Variants in BRSK1 observed in about 807,000 individuals in gnomAD.
BRSK1 encodes the protein serine/threonine-protein kinase BRSK1.
In BRSK1, 17 loss-of-function variants were observed where a neutral mutation model predicts 86.2. That is an observed-to-expected ratio of 0.20 (90% CI 0.14 to 0.30). The LOEUF is 0.30. Among genes scored for constraint, BRSK1 ranks in the 10% least tolerant of loss-of-function variants. The pLI, the probability that BRSK1 is intolerant of heterozygous loss-of-function variation, is 1.00. For missense variants in BRSK1, 719 were observed against 1,071.9 expected, an observed-to-expected ratio of 0.67 and a Z score of 4.60; for synonymous variants, 464 against 440.1, an observed-to-expected ratio of 1.05 and a Z score of -0.68.
At chr19:55,289,719 C>T in intron 4 of BRSK1, 99 bp downstream of exon 4, 1 of 1,459,966 alleles carries the variant, frequency 6.8e-7, no homozygotes, top group Non-Finnish European at 9.2e-7. Context: ...TGTGGTCGGC[C>T]CCCAAACCTT....
At chr19:55,288,270 G>C (rs1254520167) in intron 3 of BRSK1, among the ~76,000 whole-genome samples, 1 of 151,998 alleles carries the variant, frequency 6.6e-6, no homozygotes, top group East Asian at 1.9e-4. Context: ...TTCTTGAAGA[G>C]CTCGAGACCA....
At chr19:55,300,136 C>T (rs2088549798) in intron 7 of BRSK1, among the ~76,000 whole-genome samples, 1 of 152,188 alleles carries the variant, frequency 6.6e-6, no homozygotes, top group Admixed American at 6.5e-5. Flanking sequence ...CAGGCAGCGT[C>T]CCAGGCCAAC....
In BRSK1 at chr19:55,304,751, C is replaced by G; in HGVS notation, c.1548C>G (p.Pro516=). 1.3e-6 allele frequency: 2 copies of G among 1,538,966 alleles called. No homozygotes were observed. The highest frequency in any genetic ancestry group is 1.7e-6 in the Non-Finnish European group (2 of 1,147,272). ...PGSPRSSGGT[P]LHSPLHTPRA... The stretch of plus-strand genomic sequence containing the variant: ...CCCCGCGCTCCTCTGGCGGGACCCC[C>G]TTGCACTCGCCTCTGCACACGCCCC... The change falls in exon 14 of 19, where the codon CCC becomes CCG. Residue 516 remains proline, a synonymous_variant. Transcript: ENST00000309383. The surrounding 1 kb of genome is among the most constrained non-coding windows in gnomAD (Gnocchi z 5.2).
intron 7 of BRSK1, among the ~76,000 whole-genome samples, chr19:55,300,117 A>T (rs971808823): frequency 6.6e-6 from 1 of 151,876 alleles, no homozygotes; most frequent in Admixed American, 6.6e-5. Flanking sequence ...TTGAGTGTCG[A>T]GTGTGTGTCA....
chr19:55,304,677 C>A lies in BRSK1; in HGVS notation c.1474C>A (p.Pro492Thr). Residue 492 changes from proline to threonine, a missense_variant, in exon 14 of 19, where the codon CCC (proline) becomes ACC (threonine). Around this residue, in one of 6 missense-constraint regions of BRSK1, gnomAD observed 143 missense variants for 120.1 expected, o/e 1.19. Coordinates refer to ENST00000309383, the MANE Select transcript of BRSK1 (RefSeq NM_032430.2). The surrounding 1 kb of genome is among the most constrained non-coding windows in gnomAD (Gnocchi z 5.2). ...CAGGGGTGGGGGCGCCGGGGAGCAG[C>A]CCCCGCCCCCCAGTGCCCGCTCCAC... ...GPRGGGAGEQ[P>T]PPPSARSTPL... 1 of 1,483,318 alleles carries A rather than the reference C, an allele frequency of 6.7e-7. No homozygotes were observed. The highest frequency in any genetic ancestry group is 2.5e-5 in the Admixed American group (1 of 39,644). The allele number at this position is 1,483,318 out of a possible 1,614,324, so 91.9% of individuals were successfully genotyped here. A position where few individuals can be genotyped will look rare whatever the true frequency, so the allele number is the denominator to read the frequency against.
In BRSK1 at chr19:55,302,896, TACCCACGTGGGGCGAGCTGCA is replaced by T; in HGVS notation, c.1028+30_1028+50del. The T allele has an allele frequency of 6.3e-7, 1 of 1,597,860 alleles. No homozygotes were observed. The highest frequency in any genetic ancestry group is 2.3e-5 in the East Asian group (1 of 44,436). ...AGACCCCAAGACCCCTGCACCCGTG[TACCCACGTGGGGCGAGCTGCA>T]GCAGCTCCCTGCGCACATGCAGAGT... is the stretch of plus-strand genomic sequence containing the variant. On this transcript the variant is annotated intron_variant, in intron 10 of 18. Transcript: ENST00000309383. The surrounding 1 kb of genome is among the most constrained non-coding windows in gnomAD (Gnocchi z 6.3).
At chr19:55,288,303 C>T (rs1033879356) in intron 3 of BRSK1, among the ~76,000 whole-genome samples, 5 of 151,954 alleles carry the variant, frequency 3.3e-5, no homozygotes, top group East Asian at 3.9e-4. Flanking sequence ...TGGCAAAACC[C>T]CGTCTCTACA....
At chr19:55,284,876 C>T (rs541499827) in intron 1 of BRSK1, among the ~76,000 whole-genome samples, 1 of 101,414 alleles carries the variant, frequency 9.9e-6, no homozygotes, top group African/African-American at 3.9e-5. Flanking sequence ...TCCTGGGTTT[C>T]AGGGAGGAGG....
chr19:55,308,793 TGGGTGGCGGGGGGCGTGGGTGGCGGG>T (rs2088713490), intron 18 of BRSK1, 65 bp downstream of exon 18: 1 of 10,006 alleles, frequency 1.0e-4, no homozygotes, highest in African/African-American at 3.7e-4. Context: ...GCGGGGGGCG[TGGGTGGCGGGGGGCGTGGGTGGCGGG>T]GGGCGTGGGT....
At chr19:55,307,769 C>A (rs1275881902) in intron 17 of BRSK1, among the ~76,000 whole-genome samples, 1 of 140,390 alleles carries the variant, frequency 7.1e-6, no homozygotes, top group African/African-American at 2.8e-5. Context: ...CACACACACA[C>A]ACACACACAC....
Position 55,304,845 on chromosome 19 carries a change from G to A in BRSK1, c.1642G>A (p.Ala548Thr). ...CCCCGGCGGTGGCGTCGGGGGAGCCGCCTGGAGGAGTCGTCTCAACTCCAT... is the reference window on the plus strand; with the variant it reads ...CCCCGGCGGTGGCGTCGGGGGAGCCACCTGGAGGAGTCGTCTCAACTCCAT... ...PSPGGGVGGAAWRSRLNSIRN... is the reference protein window; with the variant it reads ...PSPGGGVGGATWRSRLNSIRN... The change falls in exon 14 of 19, where the codon GCC becomes ACC. Residue 548 changes from alanine (A) to threonine (T), a missense_variant. This residue lies in a region of BRSK1 where 180 missense variants were observed against 259.4 expected (regional missense o/e 0.69). Transcript: ENST00000309383. This position sits in a 1 kb window ranked among gnomAD's most constrained non-coding sequence, Gnocchi z 5.2. The A allele has an allele frequency of 6.2e-7, 1 of 1,606,546 alleles. No individual in the cohort carries two copies.
intron 4 of BRSK1, among the ~76,000 whole-genome samples, chr19:55,292,603 G>T (rs958216959): frequency 6.6e-6 from 1 of 151,906 alleles, no homozygotes; most frequent in Non-Finnish European, 1.5e-5. Context: ...GGAGGCCGAG[G>T]CAGGTGGATT....
rs748611163 is a variant in BRSK1, at chr19:55,287,097, TGAA to T, written c.229_231del (p.Lys77del). 6.2e-7 allele frequency: 1 copy of T among 1,609,502 alleles called. No individual in the cohort carries two copies. The highest frequency in any genetic ancestry group is 8.5e-7 in the Non-Finnish European group (1 of 1,178,958). The stretch of plus-strand genomic sequence containing the variant: ...GAGAAGCTGTCGGAGTCGGTGCTGA[TGAA>T]GGTGTGTGCGCCTGCTGCAGTGTGC... On this transcript the variant is annotated inframe_deletion and splice_region_variant, in exon 2 of 19. Transcript: ENST00000309383. The surrounding 1 kb of genome is among the most constrained non-coding windows in gnomAD (Gnocchi z 5.3).
intron 1 of BRSK1, among the ~76,000 whole-genome samples, chr19:55,286,388 C>T (rs2088316940): frequency 1.3e-5 from 2 of 151,500 alleles, no homozygotes. Context: ...CCGGACATAC[C>T]CTTGGTGTCT....
At position 55,312,448 on chromosome 19, in the gene BRSK1, G is replaced by A. The variant is rs1450799353; in HGVS notation, c.*380G>A. 20 of 128,752 alleles carry A rather than the reference G, an allele frequency of 1.6e-4. No individual in the cohort carries two copies. In the East Asian group the frequency reaches 3.2e-3, roughly 21 times the overall value. 8.0% of individuals were successfully genotyped at this position (128,752 alleles called of 1,614,324 possible). On this transcript the variant is annotated 3_prime_UTR_variant, in exon 19 of 19. Coordinates refer to ENST00000309383, the MANE Select transcript of BRSK1 (RefSeq NM_032430.2). Reference sequence around the variant, plus strand: ...CCTCCTCCCCTGGTCCTCCCCCCACGACCTTCTGTACGGATTTGCTCTCCG... The same window carrying A: ...CCTCCTCCCCTGGTCCTCCCCCCACAACCTTCTGTACGGATTTGCTCTCCG...
intron 7 of BRSK1, among the ~76,000 whole-genome samples, chr19:55,300,254 G>A (rs1387487036): frequency 6.6e-6 from 1 of 152,206 alleles, no homozygotes; most frequent in African/African-American, 2.4e-5. Flanking sequence ...CAGCCAGCCT[G>A]TAACAGTCCT....
intron 7 of BRSK1, among the ~76,000 whole-genome samples, chr19:55,298,622 T>G (rs2088524947): frequency 6.6e-6 from 1 of 152,266 alleles, no homozygotes; most frequent in South Asian, 2.1e-4. Context: ...AGGGGAAACC[T>G]GAGCCGCCCA....
At chr19:55,293,617 C>T (rs1298886508) in intron 4 of BRSK1, among the ~76,000 whole-genome samples, 5 of 152,000 alleles carry the variant, frequency 3.3e-5, no homozygotes, top group Admixed American at 6.6e-5. Flanking sequence ...TCAAGACCAG[C>T]CTGGCCAGCA....
chr19:55,305,703 T>A (rs951326409), intron 16 of BRSK1, 117 bp downstream of exon 16: 2 of 1,481,516 alleles, frequency 1.3e-6, no homozygotes, highest in African/African-American at 2.8e-5. Context: ...ATGGGATTTG[T>A]AGTTTTATGG....
Sources: allele counts gnomAD v4.1 joint callset (sites outside exome capture counted in the v4.1 genomes callset), GRCh38; gene constraint gnomAD v4.1.1; regional missense constraint gnomAD v4.1.1; non-coding constraint Gnocchi (gnomAD v3.1); transcripts MANE v1.5; gene names NCBI Gene and HGNC (gene_info 2026-07-23, HGNC 2026-07-21).